FGFR1: variants seen among roughly 807,000 people sequenced by gnomAD.
FGFR1 encodes FGFR1/PLAG1 fusion.
FGFR1 carries 18 observed loss-of-function variants against 93.7 expected under a neutral mutation model. The observed-to-expected ratio is 0.19, with a 90% confidence interval of 0.13 to 0.28. The LOEUF (loss-of-function observed/expected upper bound fraction) is 0.28. Among genes scored for constraint, FGFR1 ranks in the 10% least tolerant of loss-of-function variants. The probability of loss-of-function intolerance (pLI) is 1.00; values close to 1 mark genes in which losing one functional copy is unlikely to be tolerated. For missense variants in FGFR1, 731 were observed against 1,080.4 expected (o/e 0.68, Z 4.53); for synonymous variants, 448 against 429.3 (o/e 1.04, Z -0.54).
In FGFR1 at chr8:38,429,809, G is replaced by A. The variant is rs767195580; in HGVS notation, c.231C>T (p.Asn77=). ...LRDGVQLAES[N]RTRITGEEVE... Reference sequence around the variant, plus strand: ...CCTCCTCCCCTGTGATGCGGGTGCGGTTGCTTTCCGCCAGCTGCACCCCGT... The same window carrying A: ...CCTCCTCCCCTGTGATGCGGGTGCGATTGCTTTCCGCCAGCTGCACCCCGT... Residue 77 remains asparagine (N), a synonymous_variant, in exon 3 of 18, where the codon AAC becomes AAT. Transcript: ENST00000447712. The surrounding 1 kb of genome is among the most constrained non-coding windows in gnomAD (Gnocchi z 4.4). 6.2e-7 allele frequency: 1 copy of A among 1,613,696 alleles called. No individual in the cohort carries two copies. The highest frequency in any genetic ancestry group is 8.5e-7 in the Non-Finnish European group (1 of 1,179,870).
At chr8:38,419,794 C>T (rs760260983) in intron 8 of FGFR1, 59 bp from the exon 9 acceptor site, 47 of 1,481,228 alleles carry the variant, frequency 3.2e-5, no homozygotes, top group South Asian at 2.3e-4. Context: ...TGCGAGGTCC[C>T]GCTCCATTAG....
At chr8:38,423,119 C>T in intron 7 of FGFR1, 1 of 779,598 alleles carries the variant, frequency 1.3e-6, no homozygotes, top group Non-Finnish European at 2.4e-6. Flanking sequence ...CGCTCTGGGC[C>T]TCTGTCACAT....
intron 1 of FGFR1, among the ~76,000 whole-genome samples, chr8:38,462,469 A>ATG (rs1834618027): frequency 6.6e-6 from 1 of 151,568 alleles, no homozygotes; most frequent in South Asian, 2.1e-4. Context: ...GCGCCACTGC[A>ATG]CTCCAGCCTG....
In FGFR1 at chr8:38,419,602, C is replaced by G. The variant is rs2150708077; in HGVS notation, c.1215G>C (p.Lys405Asn). The change falls in exon 9 of 18, where the codon AAG (lysine) becomes AAC (asparagine). Residue 405 changes from lysine to asparagine, a missense_variant. Lys to Asn is a moderately conservative substitution (Grantham distance 94, BLOSUM62 0). Coordinates refer to ENST00000447712, the MANE Select transcript of FGFR1 (RefSeq NM_023110.3). ...CAGCCATCTGGCTGTGGAAGTCACT[C>G]TTCTTGGTACCACTCTTCATCTTGT... ...IVYKMKSGTK[K>N]SDFHSQMAVH... 6.2e-7 allele frequency: 1 copy of G among 1,614,140 alleles called. No homozygotes were observed. The highest frequency in any genetic ancestry group is 8.5e-7 in the Non-Finnish European group (1 of 1,180,018).
rs760482375 is a variant in FGFR1, at chr8:38,418,210, G to C, written c.1430+18C>G. The C allele has an allele frequency of 9.9e-6, 16 of 1,614,168 alleles. No homozygotes were observed. The highest frequency in any genetic ancestry group is 1.4e-5 in the Non-Finnish European group (16 of 1,180,028). On this transcript the variant is annotated intron_variant, in intron 10 of 17. Coordinates refer to ENST00000447712, the MANE Select transcript of FGFR1 (RefSeq NM_023110.3). Reference sequence around the variant, plus strand: ...GCAAGGAATGCCTTCAAAAAGTTGGGAGTCAAAGTATTATTACCTGTCCCG... The same window carrying C: ...GCAAGGAATGCCTTCAAAAAGTTGGCAGTCAAAGTATTATTACCTGTCCCG...
At chr8:38,425,887 T>G (rs1046650369) in intron 6 of FGFR1, 9 of 586,764 alleles carry the variant, frequency 1.5e-5, no homozygotes, top group Non-Finnish European at 2.5e-5. Context: ...AACAGCACCT[T>G]CAATTTCACA....
intron 9 of FGFR1, among the ~76,000 whole-genome samples, chr8:38,419,007 G>A (rs562324089): frequency 1.4e-4 from 21 of 152,282 alleles, no homozygotes; most frequent in Admixed American, 1.3e-3. Flanking sequence ...TTTTATAAAG[G>A]GGAGTTTCCC....
chr8:38,437,240 G>T (rs1420697149), intron 2 of FGFR1, among the ~76,000 whole-genome samples: 1 of 152,108 alleles, frequency 6.6e-6, no homozygotes, highest in East Asian at 1.9e-4. Context: ...TGAGACCCCA[G>T]TTCTCAAAAA....
intron 3 of FGFR1, 153 bp from the exon 4 acceptor site, chr8:38,428,588 G>GT: frequency 1.5e-6 from 1 of 680,534 alleles, no homozygotes. Flanking sequence ...GATGGAAACT[G>GT]TTTAAGAACA....
chr8:38,433,900 G>A (rs943498101), intron 2 of FGFR1, among the ~76,000 whole-genome samples: 5 of 152,076 alleles, frequency 3.3e-5, no homozygotes, highest in Admixed American at 2.0e-4. Flanking sequence ...CTCAAAAAAT[G>A]CCTGACCCAT....
At chr8:38,441,087 C>T (rs1586561185) in intron 2 of FGFR1, among the ~76,000 whole-genome samples, 1 of 147,896 alleles carries the variant, frequency 6.8e-6, no homozygotes, top group East Asian at 2.2e-4. Context: ...CAGATCCCCC[C>T]GAGCTGGGCA....
At chr8:38,441,124 G>C (rs1317316574) in intron 2 of FGFR1, among the ~76,000 whole-genome samples, 1 of 151,550 alleles carries the variant, frequency 6.6e-6, no homozygotes, top group African/African-American at 2.4e-5. Flanking sequence ...ATCCCACTTG[G>C]GAATCGCAGG....
At chr8:38,431,899 G>C (rs1823295403) in intron 2 of FGFR1, among the ~76,000 whole-genome samples, 1 of 152,144 alleles carries the variant, frequency 6.6e-6, no homozygotes, top group Non-Finnish European at 1.5e-5. Flanking sequence ...CTGTGGTTTT[G>C]CCAAACGAAG....
chr8:38,454,378 C>G (rs895156399), intron 2 of FGFR1, among the ~76,000 whole-genome samples: 1 of 152,210 alleles, frequency 6.6e-6, no homozygotes, highest in Non-Finnish European at 1.5e-5. Flanking sequence ...CTCCTTGCTA[C>G]TCTTCCACTC....
In FGFR1 at chr8:38,424,483, C is replaced by A. The variant is rs2150810940; in HGVS notation, c.936+26G>T. On this transcript the variant is annotated intron_variant, in intron 7 of 17. Coordinates refer to ENST00000447712, the MANE Select transcript of FGFR1 (RefSeq NM_023110.3). This position sits in a 1 kb window ranked among gnomAD's most constrained non-coding sequence, Gnocchi z 4.3. ...AGTGGTCTCCTTCCCAGTAGACTGGCCCACGAAGACTGGTGCCATGATTAC... is the reference window on the plus strand; with the variant it reads ...AGTGGTCTCCTTCCCAGTAGACTGGACCACGAAGACTGGTGCCATGATTAC... 1 of 1,613,898 alleles carries A rather than the reference C, an allele frequency of 6.2e-7. No homozygotes were observed. The highest frequency in any genetic ancestry group is 8.5e-7 in the Non-Finnish European group (1 of 1,179,832).
chr8:38,423,048 G>A, intron 7 of FGFR1: 1 of 779,754 alleles, frequency 1.3e-6, no homozygotes, highest in South Asian at 1.3e-5. Context: ...TCTGGTGACA[G>A]TGAGCCACGC....
intron 2 of FGFR1, among the ~76,000 whole-genome samples, chr8:38,450,517 T>C (rs368110974): frequency 5.6e-4 from 85 of 152,170 alleles, no homozygotes; most frequent in African/African-American, 2.0e-3. Flanking sequence ...GGGCCATTCA[T>C]CACCGCCCAG....
chr8:38,467,011 TCA>T (rs921112308), intron 1 of FGFR1, among the ~76,000 whole-genome samples: 1 of 151,414 alleles, frequency 6.6e-6, no homozygotes, highest in African/African-American at 2.4e-5. Context: ...GGTCGTAGCC[TCA>T]CTTTTCTCCC....
chr8:38,424,464 C>T lies in FGFR1; in HGVS notation c.936+45G>A, dbSNP rs1409740178. The T allele has an allele frequency of 1.9e-6, 3 of 1,610,924 alleles. No homozygotes were observed. The East Asian group carries it at 6.7e-5, about 36-fold the overall frequency. The stretch of plus-strand genomic sequence containing the variant: ...GAACTTGAGCCCCCGAGACAGTGGT[C>T]TCCTTCCCAGTAGACTGGCCCACGA... On this transcript the variant is annotated intron_variant, in intron 7 of 17. Transcript: ENST00000447712. The surrounding 1 kb of genome is among the most constrained non-coding windows in gnomAD (Gnocchi z 4.3).
Sources: gnomAD v4.1 joint callset for allele counts (sites outside exome capture counted in the v4.1 genomes callset) on GRCh38, gnomAD v4.1.1 for gene constraint, Gnocchi (gnomAD v3.1) non-coding constraint, MANE v1.5 for transcripts, NCBI Gene and HGNC (gene_info 2026-07-23, HGNC 2026-07-21) for gene names.